Variants in NPC1 observed in about 807,000 individuals in gnomAD.
The protein encoded by NPC1 is Niemann-Pick C1 protein.
In NPC1, 85 loss-of-function variants were observed where a neutral mutation model predicts 140.4. The observed-to-expected ratio is 0.61, with a 90% CI of 0.51 to 0.72. The LOEUF is 0.72. NPC1 is among the 30% of genes least tolerant of loss of function. The pLI is 0.00. For synonymous variants in NPC1, 656 were observed against 624.8 expected (o/e 1.05, Z -0.74); for missense variants, 1,504 against 1,623.8 (o/e 0.93, Z 1.27).
At chr18:23,557,563 T>C (rs1198992636) in intron 6 of NPC1, among the ~76,000 whole-genome samples, 1 of 152,200 alleles carries the variant, frequency 6.6e-6, no homozygotes, top group Non-Finnish European at 1.5e-5. Flanking sequence ...GAGACCAACC[T>C]GGCCAACATG....
chr18:23,517,970 A>G (rs1214791387), downstream of NPC1, among the ~76,000 whole-genome samples: 3 of 152,150 alleles, frequency 2.0e-5, no homozygotes, highest in Non-Finnish European at 4.4e-5. Flanking sequence ...CTCCCGCCTC[A>G]TCCTCCCAAA....
At chr18:23,550,184 G>T (rs918446727) in intron 10 of NPC1, among the ~76,000 whole-genome samples, 1 of 151,200 alleles carries the variant, frequency 6.6e-6, no homozygotes, top group South Asian at 2.1e-4. Context: ...GCTAATTTTT[G>T]TATTTTTTGC....
chr18:23,553,246 G>GATAAA (rs2058900558), intron 9 of NPC1, among the ~76,000 whole-genome samples: 1 of 152,198 alleles, frequency 6.6e-6, no homozygotes, highest in South Asian at 2.1e-4. Flanking sequence ...GTGCCACAGA[G>GATAAA]AGTAAACTAT....
downstream of NPC1, chr18:23,518,990 T>C: frequency 6.2e-7 from 1 of 1,613,874 alleles, no homozygotes; most frequent in Non-Finnish European, 8.5e-7. Context: ...GTAGATTTCA[T>C]GCTTTGTTTT....
At chr18:23,572,257 ACATTCATT>A (rs2059214915) in intron 2 of NPC1, 77 bp from the exon 3 acceptor site, 2 of 915,062 alleles carry the variant, frequency 2.2e-6, no homozygotes, top group Non-Finnish European at 1.8e-6. Context: ...GAACTAAGAC[ACATTCATT>A]CATGTAATCC....
chr18:23,514,912 T>C (rs1350922551), intron 3 of NPC1, among the ~76,000 whole-genome samples: 2 of 152,184 alleles, frequency 1.3e-5, no homozygotes, highest in Admixed American at 6.6e-5. Flanking sequence ...TCTTGGGGGC[T>C]CTGTACAGTG....
intron 21 of NPC1, among the ~76,000 whole-genome samples, chr18:23,536,034 G>A (rs892427085): frequency 6.6e-6 from 1 of 152,186 alleles, no homozygotes; most frequent in Non-Finnish European, 1.5e-5. Context: ...GATCTATCCT[G>A]AGACACTACC....
intron 22 of NPC1, 146 bp downstream of exon 22, chr18:23,535,323 C>G (rs1483327878): frequency 1.1e-5 from 8 of 716,192 alleles, no homozygotes. Context: ...TCCTCCAGCA[C>G]TCATCCTGCC....
At chr18:23,559,554 G>C (rs1036176628) in intron 6 of NPC1, among the ~76,000 whole-genome samples, 2 of 119,508 alleles carry the variant, frequency 1.7e-5, no homozygotes, top group Non-Finnish European at 3.2e-5. Flanking sequence ...AGGGCTGTTT[G>C]CAATGGACTC....
At chr18:23,539,209 ATGAC>A (rs2058676357) in intron 19 of NPC1, 142 bp downstream of exon 19, 2 of 701,870 alleles carry the variant, frequency 2.8e-6, no homozygotes, top group Non-Finnish European at 2.6e-6. Context: ...TTCAGAATGA[ATGAC>A]TGAGGAAAGG....
intron 1 of NPC1, chr18:23,523,980 A>T: frequency 1.2e-6 from 1 of 833,196 alleles, no homozygotes; most frequent in Non-Finnish European, 1.9e-6. Context: ...ACGTGCTTTC[A>T]GTGAGACGGA....
At chr18:23,521,109 T>C (rs2058131359), downstream of NPC1, among the ~76,000 whole-genome samples, 1 of 151,892 alleles carries the variant, frequency 6.6e-6, no homozygotes, top group Non-Finnish European at 1.5e-5. Context: ...CCTGCCTCGC[T>C]CTCCCAAAGT....
chr18:23,579,373 G>A (rs954908321), intron 1 of NPC1, among the ~76,000 whole-genome samples: 1 of 152,192 alleles, frequency 6.6e-6, no homozygotes. Flanking sequence ...AACTCACAAT[G>A]AGCTGAGGGA....
intron 3 of NPC1, among the ~76,000 whole-genome samples, chr18:23,513,959 C>T (rs915971786): frequency 3.3e-5 from 5 of 152,260 alleles, no homozygotes; most frequent in South Asian, 2.1e-4. Flanking sequence ...GTATTTTCTC[C>T]GAATCCGGAG....
At chr18:23,564,827 G>A (rs781459669) in intron 4 of NPC1, among the ~76,000 whole-genome samples, 12 of 151,964 alleles carry the variant, frequency 7.9e-5, no homozygotes, top group Non-Finnish European at 1.5e-4. Context: ...GATCCACTTT[G>A]AGTTAATTTC....
At chr18:23,583,447 A>G (rs570083977) in intron 1 of NPC1, among the ~76,000 whole-genome samples, 1 of 152,286 alleles carries the variant, frequency 6.6e-6, no homozygotes, top group African/African-American at 2.4e-5. Context: ...GGGGAACAGG[A>G]CAAGAATGTC....
intron 22 of NPC1, 134 bp from the exon 23 acceptor site, chr18:23,534,693 T>TA: frequency 1.4e-6 from 1 of 726,434 alleles, no homozygotes; most frequent in South Asian, 1.5e-5. Context: ...CCATTGGACT[T>TA]ACAAGGCCTC....
chr18:23,511,670 C>G (rs1182644571), intron 3 of NPC1, among the ~76,000 whole-genome samples: 3 of 149,506 alleles, frequency 2.0e-5, no homozygotes, highest in Admixed American at 2.0e-4. Context: ...TTTTTTTGTC[C>G]AAAGTGTATC....
chr18:23,506,281 A>G (rs2057715060), exon 4 of NPC1: 1 of 152,212 alleles, frequency 6.6e-6, no homozygotes, highest in African/African-American at 2.4e-5. Flanking sequence ...GTATACACCC[A>G]TGAAACCATC....
Sources: allele counts gnomAD v4.1 joint callset (sites outside exome capture counted in the v4.1 genomes callset), GRCh38; gene constraint gnomAD v4.1.1; transcripts MANE v1.5; gene names NCBI Gene and HGNC (gene_info 2026-07-23, HGNC 2026-07-21).